ZNF485: variants seen among roughly 807,000 people sequenced by gnomAD.
ZNF485 encodes zinc finger protein 485.
In ZNF485, 9 loss-of-function variants were observed where a neutral mutation model predicts 10.8. The observed-to-expected ratio is 0.83, with a 90% CI of 0.50 to 1.45. The LOEUF (loss-of-function observed/expected upper bound fraction) is 1.45. Among genes scored for constraint, ZNF485 ranks in the 40% most tolerant of loss-of-function variants. The pLI is 0.00. For synonymous variants in ZNF485, 187 were observed against 181.0 expected, an observed-to-expected ratio of 1.03 and a Z score of -0.27; for missense variants, 487 against 528.0, an observed-to-expected ratio of 0.92 and a Z score of 0.76.
chr10:43,606,481 C>T lies in ZNF485; in HGVS notation c.-120C>T, dbSNP rs554263526. On this transcript the variant is annotated 5_prime_UTR_variant, in exon 1 of 5. Coordinates refer to ENST00000361807, the MANE Select transcript of ZNF485 (RefSeq NM_145312.4). Reference sequence around the variant, plus strand: ...CAGCCCCTGGCTGGTGGTTACTGTCCGAACGGCGTGGTGTGGTCGCTGACT... The same window carrying T: ...CAGCCCCTGGCTGGTGGTTACTGTCTGAACGGCGTGGTGTGGTCGCTGACT... 2 of 388,246 alleles carry T rather than the reference C, an allele frequency of 5.2e-6. No individual in the cohort carries two copies. The highest frequency in any genetic ancestry group is 2.3e-5 in the South Asian group (1 of 44,168). The allele number at this position is 388,246 out of a possible 1,614,324, so 24.1% of individuals were successfully genotyped here.
At chr10:43,613,879 T>C (rs1044497176) in intron 4 of ZNF485, among the ~76,000 whole-genome samples, 9 of 152,138 alleles carry the variant, frequency 5.9e-5, no homozygotes, top group African/African-American at 1.9e-4. Context: ...GTGTGCCTCA[T>C]TGTGGTTTTC....
chr10:43,615,702 T>C (rs1838845209), intron 4 of ZNF485, among the ~76,000 whole-genome samples: 1 of 152,108 alleles, frequency 6.6e-6, no homozygotes, highest in Non-Finnish European at 1.5e-5. Context: ...GTGCCTGGCA[T>C]AGGTATGTTG....
chr10:43,607,403 G>T, intron 2 of ZNF485: 1 of 397,918 alleles, frequency 2.5e-6, no homozygotes. Context: ...GTGTGGTAGG[G>T]TGGGAGGGGT....
In ZNF485 at chr10:43,616,757, C is replaced by T; in HGVS notation, c.714C>T (p.Gly238=). 1.2e-6 allele frequency: 2 copies of T among 1,614,000 alleles called. No individual in the cohort carries two copies. Among genetic ancestry groups the T allele is most frequent in the African/African-American group, 1.3e-5 (1 of 75,018 alleles). The change falls in exon 5 of 5, where the codon GGC becomes GGT. Residue 238 remains glycine, a synonymous_variant. Transcript: ENST00000361807. The part of the protein sequence containing the change: ...ILLSHQRIHT[G]QKPYKCNDCG... The stretch of plus-strand genomic sequence containing the variant: ...TAAGTCATCAGAGAATTCATACTGG[C>T]CAGAAACCCTACAAATGTAATGACT...
Position 43,617,285 on chromosome 10 carries a change from A to G in ZNF485, c.1242A>G (p.Glu414=). 6.2e-7 allele frequency: 1 copy of G among 1,609,888 alleles called. No individual in the cohort carries two copies. The highest frequency in any genetic ancestry group is 1.1e-5 in the South Asian group (1 of 90,380). The change falls in exon 5 of 5, where the codon GAA becomes GAG. Residue 414 remains glutamate, a synonymous_variant. Coordinates refer to ENST00000361807, the MANE Select transcript of ZNF485 (RefSeq NM_145312.4). ...HTGEKPYKCN[E]CGKAFPRSSA... ...GGGAAAAACCTTATAAATGTAATGA[A>G]TGTGGGAAAGCTTTTCCCCGAAGTT...
At position 43,607,089 on chromosome 10, in the gene ZNF485, T is replaced by C; in HGVS notation, c.24+15T>C. ...CCCAGATCCAGGCAAGTTTGATTTT[T>C]CCATTTCTTGAGAAACCACGTGTTT... On this transcript the variant is annotated intron_variant, in intron 2 of 4. Transcript: ENST00000361807. 1 of 1,551,404 alleles carries C rather than the reference T, an allele frequency of 6.4e-7. No homozygotes were observed. The highest frequency in any genetic ancestry group is 8.7e-7 in the Non-Finnish European group (1 of 1,147,020).
In ZNF485 at chr10:43,606,447, G is replaced by C. The variant is rs896326449; in HGVS notation, c.-154G>C. 2 of 422,754 alleles carry C rather than the reference G, an allele frequency of 4.7e-6. No individual in the cohort carries two copies. Among genetic ancestry groups the C allele is most frequent in the Non-Finnish European group, 8.8e-6 (2 of 226,748 alleles). The allele number at this position is 422,754 out of a possible 1,614,324, so 26.2% of individuals were successfully genotyped here. A position where few individuals can be genotyped will look rare whatever the true frequency, so the allele number is the denominator to read the frequency against. On this transcript the variant is annotated 5_prime_UTR_variant, in exon 1 of 5. Coordinates refer to ENST00000361807, the MANE Select transcript of ZNF485 (RefSeq NM_145312.4). ...TCCAGCCTGTCTCCGCGTGGTGCGA[G>C]CGCTGCACCAGCCCCTGGCTGGTGG...
At chr10:43,615,182 G>A (rs532971402) in intron 4 of ZNF485, among the ~76,000 whole-genome samples, 6 of 152,254 alleles carry the variant, frequency 3.9e-5, no homozygotes, top group African/African-American at 9.6e-5. Flanking sequence ...ATATGTATGT[G>A]TATATATCTT....
At chr10:43,613,348 T>C (rs997237998) in intron 4 of ZNF485, among the ~76,000 whole-genome samples, 2 of 152,246 alleles carry the variant, frequency 1.3e-5, no homozygotes, top group South Asian at 2.1e-4. Context: ...ATAGTACATA[T>C]AATTTTTGGT....
intron 3 of ZNF485, 147 bp downstream of exon 3, chr10:43,608,887 T>C: frequency 8.8e-7 from 1 of 1,136,578 alleles, no homozygotes; most frequent in Non-Finnish European, 1.2e-6. Context: ...AGGCTGGAGT[T>C]TATGCCCCTT....
chr10:43,606,453 C>T lies in ZNF485; in HGVS notation c.-148C>T, dbSNP rs897933729. The T allele has an allele frequency of 3.6e-5, 15 of 417,854 alleles. No individual in the cohort carries two copies. The highest frequency in any genetic ancestry group is 5.8e-5 in the Non-Finnish European group (13 of 223,866). 25.9% of individuals were successfully genotyped at this position (417,854 alleles called of 1,614,324 possible). A position where few individuals can be genotyped will look rare whatever the true frequency, so the allele number is the denominator to read the frequency against. ...CTGTCTCCGCGTGGTGCGAGCGCTG[C>T]ACCAGCCCCTGGCTGGTGGTTACTG... On this transcript the variant is annotated 5_prime_UTR_variant, in exon 1 of 5. Transcript: ENST00000361807.
intron 4 of ZNF485, among the ~76,000 whole-genome samples, chr10:43,614,536 C>G (rs1025443053): frequency 6.6e-6 from 1 of 152,128 alleles, no homozygotes; most frequent in Non-Finnish European, 1.5e-5. Context: ...TCAAGCCATC[C>G]TCCTGCCTCA....
intron 4 of ZNF485, among the ~76,000 whole-genome samples, chr10:43,612,204 CT>C (rs1838780289): frequency 6.6e-6 from 1 of 152,182 alleles, no homozygotes; most frequent in South Asian, 2.1e-4. Flanking sequence ...AGATTTTATT[CT>C]CATTTATCTT....
rs771017842 is a variant in ZNF485, at chr10:43,617,356, T to C, written c.1313T>C (p.Met438Thr). 2 of 1,550,948 alleles carry C rather than the reference T, an allele frequency of 1.3e-6. No homozygotes were observed. The highest frequency in any genetic ancestry group is 2.8e-5 in the African/African-American group (2 of 72,354). Residue 438 changes from methionine to threonine, a missense_variant, in exon 5 of 5, where the codon ATG becomes ACG. Met to Thr is a moderately conservative substitution (Grantham distance 81). Coordinates refer to ENST00000361807, the MANE Select transcript of ZNF485 (RefSeq NM_145312.4). Reference sequence around the variant, plus strand: ...AAAATTCATAATAAAGAAAGAGCCATGAAATGTAGTTAGTGTGGCAAATTG... The same window carrying C: ...AAAATTCATAATAAAGAAAGAGCCACGAAATGTAGTTAGTGTGGCAAATTG... Reference protein sequence around the residue: ...HKKIHNKERAMKCS With the variant: ...HKKIHNKERATKCS
At chr10:43,614,675 T>A (rs1838823351) in intron 4 of ZNF485, among the ~76,000 whole-genome samples, 1 of 152,048 alleles carries the variant, frequency 6.6e-6, no homozygotes, top group African/African-American at 2.4e-5. Flanking sequence ...TTATTTTAAA[T>A]TATATATTAA....
rs368148555 is a variant in ZNF485, at chr10:43,617,398, C to T, written c.*29C>T. The T allele has an allele frequency of 2.8e-6, 4 of 1,445,430 alleles. No homozygotes were observed. The highest frequency in any genetic ancestry group is 2.8e-6 in the Non-Finnish European group (3 of 1,072,242). The allele number at this position is 1,445,430 out of a possible 1,614,324, so 89.5% of individuals were successfully genotyped here. A position where few individuals can be genotyped will look rare whatever the true frequency, so the allele number is the denominator to read the frequency against. ...GGCAAATTGTGCAGAGTAGTTTATT[C>T]CTTCTGACCATCATAGAGGAGACAT... On this transcript the variant is annotated 3_prime_UTR_variant, in exon 5 of 5. Transcript: ENST00000361807.
chr10:43,608,687 G>C lies in ZNF485; in HGVS notation c.98G>C (p.Arg33Pro), dbSNP rs955162142. 4.3e-6 allele frequency: 7 copies of C among 1,613,974 alleles called. No individual in the cohort carries two copies. Among genetic ancestry groups the C allele is most frequent in the African/African-American group, 1.3e-5 (1 of 74,898 alleles). ...IEWRHLDAAQRALYRDVMLEN... is the reference protein window; with the variant it reads ...IEWRHLDAAQPALYRDVMLEN... ...TGGAGACACCTGGATGCTGCTCAGC[G>C]GGCCCTGTACAGGGATGTGATGCTG... Residue 33 changes from arginine (R) to proline (P), a missense_variant, in exon 3 of 5, where the codon CGG becomes CCG. Coordinates refer to ENST00000361807, the MANE Select transcript of ZNF485 (RefSeq NM_145312.4).
At chr10:43,606,777 G>A (rs1041138595) in intron 1 of ZNF485, among the ~76,000 whole-genome samples, 2 of 152,220 alleles carry the variant, frequency 1.3e-5, no homozygotes, top group African/African-American at 4.8e-5. Context: ...CACTGACAAG[G>A]CCGTCCCCCG....
At chr10:43,611,184 T>C (rs184361159) in intron 4 of ZNF485, among the ~76,000 whole-genome samples, 107 of 152,202 alleles carry the variant, frequency 7.0e-4, no homozygotes, top group African/African-American at 2.0e-3. Flanking sequence ...CACAGGAGCA[T>C]GCTACCACAC....
Sources: gnomAD v4.1 joint callset for allele counts (sites outside exome capture counted in the v4.1 genomes callset) on GRCh38, gnomAD v4.1.1 for gene constraint, MANE v1.5 for transcripts, NCBI Gene and HGNC (gene_info 2026-07-23, HGNC 2026-07-21) for gene names.